The following USP15 variants were observed in gnomAD, a reference collection of about 807,000 sequenced individuals.
USP15 encodes ubiquitin specific peptidase 15.
A neutral mutation model predicts 127.1 loss-of-function variants in USP15; 18 were observed. That is an observed-to-expected ratio of 0.14 (90% CI 0.10 to 0.21). The LOEUF (loss-of-function observed/expected upper bound fraction) is 0.21. USP15 is among the 10% of genes least tolerant of loss of function. USP15 has a pLI of 1.00. For missense variants in USP15, 805 were observed against 1,159.9 expected, an observed-to-expected ratio of 0.69 and a Z score of 4.44; for synonymous variants, 364 against 393.7, an observed-to-expected ratio of 0.92 and a Z score of 0.89.
At chr12:62,383,492 C>T (rs1294747466) in intron 9 of USP15, among the ~76,000 whole-genome samples, 2 of 151,760 alleles carry the variant, frequency 1.3e-5, no homozygotes, top group African/African-American at 4.8e-5. Flanking sequence ...CATTTAGTGA[C>T]CATTTTAAAC....
intron 1 of USP15, among the ~76,000 whole-genome samples, chr12:62,281,646 C>T (rs1373089890): frequency 6.6e-6 from 1 of 152,024 alleles, no homozygotes; most frequent in Non-Finnish European, 1.5e-5. Context: ...GCCAGATTCT[C>T]CTATTTTTCT....
intron 1 of USP15, among the ~76,000 whole-genome samples, chr12:62,278,286 C>A (rs73135265): frequency 0.083 from 12,625 of 152,096 alleles, 686 homozygotes; most frequent in Non-Finnish European, 0.13. Flanking sequence ...TCCTGAAGGA[C>A]CTGCCTGAGG....
intron 8 of USP15, among the ~76,000 whole-genome samples, chr12:62,361,463 C>T (rs752900136): frequency 6.6e-6 from 1 of 151,926 alleles, no homozygotes; most frequent in Non-Finnish European, 1.5e-5. Context: ...ATTATTACAT[C>T]TAATTCTAAA....
intron 1 of USP15, 28 bp from the exon 2 acceptor site, chr12:62,294,151 T>C (rs2064059116): frequency 6.2e-7 from 1 of 1,606,742 alleles, no homozygotes; most frequent in African/African-American, 1.3e-5. Flanking sequence ...TCAGGTATTT[T>C]CCTTAACCAA....
intron 5 of USP15, among the ~76,000 whole-genome samples, chr12:62,324,576 T>C (rs1450327580): frequency 6.6e-6 from 1 of 151,928 alleles, no homozygotes; most frequent in East Asian, 1.9e-4. Context: ...AATCAGAAAA[T>C]TGAGACAGTG....
chr12:62,370,725 A>C (rs1592685770), intron 8 of USP15, among the ~76,000 whole-genome samples: 1 of 152,120 alleles, frequency 6.6e-6, no homozygotes, highest in South Asian at 2.1e-4. Flanking sequence ...ACATCCATCT[A>C]TATACTAATA....
rs373053923 is a variant in USP15 at position 62,316,101 on chromosome 12, A to T, written c.475+1185A>T. Among the ~76,000 whole-genome samples the T allele has an allele frequency of 2.6e-5, 4 of 152,146 alleles. No homozygotes were observed. The East Asian group carries it at 7.7e-4, about 29-fold the overall frequency. ...GGAGTTCGAGACCAGCCTGGCCAAC[A>T]TGGTGAAACCCCATCTCTACTAAAA... On this transcript the variant is annotated intron_variant, in intron 4 of 21. Coordinates refer to ENST00000280377, the MANE Select transcript of USP15 (RefSeq NM_001252078.2).
chr12:62,369,832 C>A (rs2066603124), intron 8 of USP15, among the ~76,000 whole-genome samples: 4 of 152,110 alleles, frequency 2.6e-5, no homozygotes, highest in Admixed American at 2.6e-4. Flanking sequence ...TAGAATGAAA[C>A]ATACATTTAG....
At chr12:62,397,139 G>A (rs2067518325) in intron 20 of USP15, among the ~76,000 whole-genome samples, 2 of 151,454 alleles carry the variant, frequency 1.3e-5, no homozygotes, top group East Asian at 3.9e-4. Context: ...ACACACAGTT[G>A]GATTCAGTCA....
At position 62,389,821 on chromosome 12, in the gene USP15, A is replaced by G. The variant is rs149640357; in HGVS notation, c.1677A>G (p.Thr559=). The G allele has an allele frequency of 4.0e-5, 64 of 1,613,076 alleles. No individual in the cohort carries two copies. The highest frequency in any genetic ancestry group is 3.0e-4 in the Admixed American group (18 of 59,888). ...GGTTTGAAATTAACATCAATAGGAC[A>G]GAAGATACAGAGCACGTGATTATTC... ...IYVFEININR[T]EDTEHVIIPV... Residue 559 remains threonine, a synonymous_variant, in exon 14 of 22, where the codon ACA becomes ACG. Coordinates refer to ENST00000280377, the MANE Select transcript of USP15 (RefSeq NM_001252078.2).
At chr12:62,368,850 A>G (rs2066568089) in intron 8 of USP15, among the ~76,000 whole-genome samples, 1 of 152,146 alleles carries the variant, frequency 6.6e-6, no homozygotes, top group African/African-American at 2.4e-5. Flanking sequence ...TGTCATTACG[A>G]TAGTAACTGG....
chr12:62,353,699 G>C (rs2066030056), intron 7 of USP15, among the ~76,000 whole-genome samples: 1 of 151,816 alleles, frequency 6.6e-6, no homozygotes, highest in African/African-American at 2.4e-5. Flanking sequence ...TTGTACTTCA[G>C]CTTTTTGTTG....
Position 62,414,986 on chromosome 12 carries a change from A to ATCATATATGTACATATATG in USP15, c.*10629_*10630insGTCATATATGTACATATAT. 6.7e-6 allele frequency: 1 copy of ATCATATATGTACATATATG among 150,106 alleles called. No individual in the cohort carries two copies. Among genetic ancestry groups the ATCATATATGTACATATATG allele is most frequent in the Non-Finnish European group, 1.5e-5 (1 of 67,354 alleles). The allele number at this position is 150,106 out of a possible 1,614,324, so 9.3% of individuals were successfully genotyped here. ...ACACATATCATGTATATACATATAT[A>ATCATATATGTACATATATG]TCATATATGTACATATATATATATA... is the stretch of plus-strand genomic sequence containing the variant. On this transcript the variant is annotated 3_prime_UTR_variant, in exon 22 of 22. Coordinates refer to ENST00000280377, the MANE Select transcript of USP15 (RefSeq NM_001252078.2).
intron 8 of USP15, among the ~76,000 whole-genome samples, chr12:62,378,295 T>C (rs2066892193): frequency 1.3e-5 from 2 of 152,172 alleles, no homozygotes; most frequent in African/African-American, 4.8e-5. Flanking sequence ...GGGAGAAATA[T>C]CGGACATCAT....
chr12:62,294,976 G>C (rs1334541361), intron 2 of USP15, among the ~76,000 whole-genome samples: 1 of 152,170 alleles, frequency 6.6e-6, no homozygotes, highest in East Asian at 1.9e-4. Context: ...TGCATTAAAA[G>C]AGATTTCCAA....
chr12:62,369,125 AT>A (rs1212122257), intron 8 of USP15, among the ~76,000 whole-genome samples: 1 of 152,216 alleles, frequency 6.6e-6, no homozygotes, highest in Admixed American at 6.5e-5. Context: ...AAGATATAAT[AT>A]GTTATATAAT....
chr12:62,342,238 G>C (rs568223783), intron 6 of USP15, among the ~76,000 whole-genome samples: 1 of 151,796 alleles, frequency 6.6e-6, no homozygotes, highest in Non-Finnish European at 1.5e-5. Flanking sequence ...CTGATTTCTC[G>C]TGCTATGTTT....
intron 21 of USP15, among the ~76,000 whole-genome samples, chr12:62,403,895 A>G (rs1215125590): frequency 1.3e-5 from 2 of 151,982 alleles, no homozygotes; most frequent in African/African-American, 2.4e-5. Flanking sequence ...ATAGAATTCT[A>G]TTTTTACGTT....
In USP15 at chr12:62,325,977, C is replaced by G. The variant is rs752944295; in HGVS notation, c.683+44C>G. 3.3e-6 allele frequency: 5 copies of G among 1,524,490 alleles called. No individual in the cohort carries two copies. In the South Asian group the frequency reaches 3.5e-5, roughly 11 times the overall value. 94.4% of individuals were successfully genotyped at this position (1,524,490 alleles called of 1,614,324 possible). A position where few individuals can be genotyped will look rare whatever the true frequency, so the allele number is the denominator to read the frequency against. On this transcript the variant is annotated intron_variant, in intron 6 of 21. Transcript: ENST00000280377. Reference sequence around the variant, plus strand: ...TATGGCTTATTGTATGATTTTGAAGCCCTTGATGCTAGATAATCAAATCCA... The same window carrying G: ...TATGGCTTATTGTATGATTTTGAAGGCCTTGATGCTAGATAATCAAATCCA...
Sources: gnomAD v4.1 joint callset for allele counts (sites outside exome capture counted in the v4.1 genomes callset) on GRCh38, gnomAD v4.1.1 for gene constraint, MANE v1.5 for transcripts, NCBI Gene and HGNC (gene_info 2026-07-23, HGNC 2026-07-21) for gene names.